MARF1: variants seen among roughly 807,000 people sequenced by gnomAD.
The protein encoded by MARF1 is meiosis regulator and mRNA stability factor 1, also known as limkain-b1.
A neutral mutation model predicts 168.2 loss-of-function variants in MARF1; 24 were observed. That is an observed-to-expected ratio of 0.14 (90% confidence interval 0.10 to 0.20). The LOEUF is 0.20. Ranked by LOEUF, MARF1 falls within the 10% of genes least tolerant of loss-of-function variation. The probability of loss-of-function intolerance (pLI) is 1.00; values close to 1 mark genes in which losing one functional copy is unlikely to be tolerated. For synonymous variants in MARF1, 868 were observed against 822.4 expected, an observed-to-expected ratio of 1.06 and a Z score of -0.95; for missense variants, 1,744 against 2,143.6, an observed-to-expected ratio of 0.81 and a Z score of 3.68.
At chr16:15,630,669 G>A (rs1016588347) in intron 6 of MARF1, among the ~76,000 whole-genome samples, 165 bp from the exon 7 acceptor site, 1 of 152,110 alleles carries the variant, frequency 6.6e-6, no homozygotes, top group African/African-American at 2.4e-5. Context: ...TCAGAAGAAT[G>A]TAAGACAATC....
chr16:15,614,654 G>A (rs904556458), intron 16 of MARF1, among the ~76,000 whole-genome samples: 6 of 151,594 alleles, frequency 4.0e-5, no homozygotes, highest in Admixed American at 2.6e-4. Context: ...TTAGCCGGGC[G>A]TGGTGGCGGG....
intron 3 of MARF1, 75 bp downstream of exon 3, chr16:15,635,581 T>C (rs2035537036): frequency 3.0e-6 from 4 of 1,314,312 alleles, no homozygotes; most frequent in African/African-American, 1.6e-5. Flanking sequence ...ATAATACTTT[T>C]CAAGATAAAT....
chr16:15,633,785 A>T lies in MARF1; in HGVS notation c.1065T>A (p.Val355=), dbSNP rs1292486388. 1.2e-6 allele frequency: 2 copies of T among 1,613,922 alleles called. No homozygotes were observed. The highest frequency in any genetic ancestry group is 2.7e-5 in the African/African-American group (2 of 74,884). Reference sequence around the variant, plus strand: ...CGGAGCAGTTTTCAATATCCCAAAAAACTCCAATGGGGGGTAAGTTTTCTA... The same window carrying T: ...CGGAGCAGTTTTCAATATCCCAAAATACTCCAATGGGGGGTAAGTTTTCTA... ...QVLENLPPIG[V]FWDIENCSVP... is the part of the protein sequence containing the mutation. Residue 355 remains valine (V), a synonymous_variant, in exon 5 of 27, where the codon GTT becomes GTA. Transcript: ENST00000396368.
intron 25 of MARF1, 178 bp from the exon 26 acceptor site, chr16:15,599,202 A>T: frequency 1.6e-6 from 1 of 643,160 alleles, no homozygotes; most frequent in Non-Finnish European, 2.7e-6. Context: ...ACTAACAGGA[A>T]GATCCTGGTA....
chr16:15,620,128 G>T (rs1275803085), intron 13 of MARF1, among the ~76,000 whole-genome samples: 4 of 152,130 alleles, frequency 2.6e-5, no homozygotes, highest in Non-Finnish European at 5.9e-5. Flanking sequence ...TTGTGCCACT[G>T]CACTCTAGCC....
At chr16:15,627,887 A>C (rs971107823) in intron 7 of MARF1, among the ~76,000 whole-genome samples, 1 of 152,220 alleles carries the variant, frequency 6.6e-6, no homozygotes, top group African/African-American at 2.4e-5. Flanking sequence ...AGACACTCTT[A>C]TGAGTGTAAA....
intron 16 of MARF1, among the ~76,000 whole-genome samples, chr16:15,613,857 G>GAAAGA (rs1290889975): frequency 6.6e-6 from 1 of 152,096 alleles, no homozygotes; most frequent in Non-Finnish European, 1.5e-5. Flanking sequence ...GGCTGACTCA[G>GAAAGA]AAAGAATTCC....
chr16:15,599,194 T>G, intron 25 of MARF1, 170 bp from the exon 26 acceptor site: 2 of 633,848 alleles, frequency 3.2e-6, no homozygotes, highest in Non-Finnish European at 2.7e-6. Flanking sequence ...CAAAACCCAC[T>G]AACAGGAAGA....
chr16:15,631,346 G>T, intron 6 of MARF1, 35 bp downstream of exon 6: 1 of 1,411,562 alleles, frequency 7.1e-7, no homozygotes. Context: ...CACACAGTGA[G>T]TTTAGCTGAA....
At chr16:15,612,470 G>A (rs921960879) in intron 17 of MARF1, 87 bp downstream of exon 17, 35 of 1,170,684 alleles carry the variant, frequency 3.0e-5, no homozygotes, top group Admixed American at 3.4e-5. Flanking sequence ...GACTTCTTAG[G>A]AATTAAACTG....
rs1370849232 is a variant in MARF1, at chr16:15,625,025, G to C, written c.2102C>G (p.Thr701Ser). Residue 701 changes from threonine (T) to serine (S), a missense_variant, in exon 9 of 27, where the codon ACC becomes AGC. Transcript: ENST00000396368. ...NSGVAEPVYK[T>S]SQKKENLSAR... The stretch of plus-strand genomic sequence containing the variant: ...GAGTAGTTTCACATACTTCTGACTG[G>C]TTTTGTAAACGGGTTCTGCCACCCC... The C allele has an allele frequency of 6.2e-7, 1 of 1,614,186 alleles. No individual in the cohort carries two copies. Among genetic ancestry groups the C allele is most frequent in the Admixed American group, 1.7e-5 (1 of 60,012 alleles).
intron 21 of MARF1, 31 bp downstream of exon 21, chr16:15,608,260 G>GAAAAA (rs748965777): frequency 5.0e-5 from 42 of 832,118 alleles, no homozygotes; most frequent in East Asian, 1.7e-4. Flanking sequence ...TCCCATGAGG[G>GAAAAA]AAAAAAAAAA....
At position 15,596,634 on chromosome 16, in the gene MARF1, C is replaced by A; in HGVS notation, c.*59G>T. 6.8e-7 allele frequency: 1 copy of A among 1,472,248 alleles called. No homozygotes were observed. The highest frequency in any genetic ancestry group is 1.5e-5 in the South Asian group (1 of 66,618). The allele number at this position is 1,472,248 out of a possible 1,614,324, so 91.2% of individuals were successfully genotyped here. ...GAAAAGGATGTATTTTTGAAACCCA[C>A]TTTTGTGTGCAGAATCAGACAGTGT... On this transcript the variant is annotated 3_prime_UTR_variant, in exon 27 of 27. Coordinates refer to ENST00000396368, the MANE Select transcript of MARF1 (RefSeq NM_014647.4).
rs1356280086 is a variant in MARF1 at position 15,595,968 on chromosome 16, C to G, written c.*725G>C. 6.6e-6 allele frequency: 1 copy of G among 152,538 alleles called. No individual in the cohort carries two copies. Among genetic ancestry groups the G allele is most frequent in the Non-Finnish European group, 1.5e-5 (1 of 68,046 alleles). The allele number at this position is 152,538 out of a possible 1,614,324, so 9.4% of individuals were successfully genotyped here. A position where few individuals can be genotyped will look rare whatever the true frequency, so the allele number is the denominator to read the frequency against. On this transcript the variant is annotated 3_prime_UTR_variant, in exon 27 of 27. Coordinates refer to ENST00000396368, the MANE Select transcript of MARF1 (RefSeq NM_014647.4). ...TTTCCTTAACCTAACCCATATCAAACTGGAACACAGAAGGGAAGCTTCAAA... is the reference window on the plus strand; with the variant it reads ...TTTCCTTAACCTAACCCATATCAAAGTGGAACACAGAAGGGAAGCTTCAAA...
At chr16:15,642,662 G>T (rs529439662) in intron 1 of MARF1, among the ~76,000 whole-genome samples, 114 of 152,278 alleles carry the variant, frequency 7.5e-4, no homozygotes, top group African/African-American at 2.6e-3. Context: ...CGGCCGGGGA[G>T]GGGGGAGTGT....
Position 15,636,183 on chromosome 16 carries a change from A to G in MARF1, c.304T>C (p.Cys102Arg), listed in dbSNP as rs1363478382. 1.2e-6 allele frequency: 2 copies of G among 1,614,258 alleles called. No homozygotes were observed. The highest frequency in any genetic ancestry group is 2.2e-5 in the East Asian group (1 of 44,880). Reference sequence around the variant, plus strand: ...GAGGGTTCATTAGGGCAATGAGCACAGCAGCTTACTTTGGGGACAGAAGAA... The same window carrying G: ...GAGGGTTCATTAGGGCAATGAGCACGGCAGCTTACTTTGGGGACAGAAGAA... ...QLSSVPKVSCCAHCPNEPSTS... is the reference protein window; with the variant it reads ...QLSSVPKVSCRAHCPNEPSTS... The change falls in exon 3 of 27, where the codon TGT (cysteine) becomes CGT (arginine). Residue 102 changes from cysteine to arginine, a missense_variant. Physicochemically the swap from Cys to Arg is radical, Grantham distance 180. Coordinates refer to ENST00000396368, the MANE Select transcript of MARF1 (RefSeq NM_014647.4).
intron 13 of MARF1, among the ~76,000 whole-genome samples, chr16:15,619,374 C>T (rs1318485454): frequency 2.6e-5 from 4 of 152,232 alleles, no homozygotes; most frequent in South Asian, 2.1e-4. Flanking sequence ...TCTGTCCCAA[C>T]AGTATCTGCT....
chr16:15,600,527 G>A lies in MARF1; in HGVS notation c.4714C>T (p.Pro1572Ser), dbSNP rs763650652. ...KSRLSSLSLS[P>S]ANHENQPSEG... Reference sequence around the variant, plus strand: ...GAGGGCTGGTTTTCATGATTGGCAGGGGAGAGACTGAGTGAACTCAAACGA... The same window carrying A: ...GAGGGCTGGTTTTCATGATTGGCAGAGGAGAGACTGAGTGAACTCAAACGA... Residue 1572 changes from proline (P) to serine (S), a missense_variant, in exon 25 of 27, where the codon CCT becomes TCT. Physicochemically the swap from Pro to Ser is moderately conservative, Grantham distance 74. Coordinates refer to ENST00000396368, the MANE Select transcript of MARF1 (RefSeq NM_014647.4). 1.2e-6 allele frequency: 2 copies of A among 1,614,208 alleles called. No individual in the cohort carries two copies. Among genetic ancestry groups the A allele is most frequent in the South Asian group, 2.2e-5 (2 of 91,084 alleles).
chr16:15,643,111 C>T lies in MARF1; in HGVS notation c.-152G>A. On this transcript the variant is annotated 5_prime_UTR_variant, in exon 1 of 27. Coordinates refer to ENST00000396368, the MANE Select transcript of MARF1 (RefSeq NM_014647.4). ...TTTGTTTTGATTCCCGACTCCGCAG[C>T]TCCCGCCGCCGCCGCCAAGCGCACC... 1 of 279,790 alleles carries T rather than the reference C, an allele frequency of 3.6e-6. No individual in the cohort carries two copies. Among genetic ancestry groups the T allele is most frequent in the South Asian group, 2.7e-5 (1 of 36,944 alleles). 17.3% of individuals were successfully genotyped at this position (279,790 alleles called of 1,614,324 possible). A position where few individuals can be genotyped will look rare whatever the true frequency, so the allele number is the denominator to read the frequency against.
Sources: gnomAD v4.1 joint callset for allele counts (sites outside exome capture counted in the v4.1 genomes callset) on GRCh38, gnomAD v4.1.1 for gene constraint, MANE v1.5 for transcripts, NCBI Gene and HGNC (gene_info 2026-07-23, HGNC 2026-07-21) for gene names.